Variants in RNF8 observed in about 807,000 individuals in gnomAD.
RNF8 encodes the protein ring finger protein 8.
RNF8 carries 8 observed loss-of-function variants against 59.3 expected under a neutral mutation model. That is an observed-to-expected ratio of 0.13 (90% confidence interval 0.08 to 0.24). RNF8 has a LOEUF of 0.24. Ranked by LOEUF, RNF8 falls within the 10% of genes least tolerant of loss-of-function variation. The probability of loss-of-function intolerance (pLI) is 1.00; values close to 1 mark genes in which losing one functional copy is unlikely to be tolerated. For missense variants in RNF8, 406 were observed against 572.6 expected, an observed-to-expected ratio of 0.71 and a Z score of 2.97; for synonymous variants, 162 against 200.0, an observed-to-expected ratio of 0.81 and a Z score of 1.60.
chr6:37,390,829 C>T lies in RNF8; in HGVS notation c.*71C>T, dbSNP rs763840609. On this transcript the variant is annotated 3_prime_UTR_variant, in exon 8 of 8. Coordinates refer to ENST00000373479, the MANE Select transcript of RNF8 (RefSeq NM_003958.4). The stretch of plus-strand genomic sequence containing the variant: ...CCTGAGATGGTCTGGAGGATTCTCT[C>T]TAGCCGTGACTCCGCTGCTCTGAAG... 6.2e-7 allele frequency: 1 copy of T among 1,613,794 alleles called. No homozygotes were observed. Among genetic ancestry groups the T allele is most frequent in the East Asian group, 2.2e-5 (1 of 44,886 alleles).
intron 1 of RNF8, among the ~76,000 whole-genome samples, chr6:37,355,948 T>C (rs2113811863): frequency 6.6e-6 from 1 of 152,368 alleles, no homozygotes; most frequent in Middle Eastern, 3.4e-3. Flanking sequence ...ATCTGATCCC[T>C]GCATACACAC....
intron 2 of RNF8, among the ~76,000 whole-genome samples, chr6:37,367,426 CAG>C: frequency 6.6e-6 from 1 of 152,284 alleles, no homozygotes; most frequent in Middle Eastern, 3.4e-3. Context: ...ATTTTGGAGA[CAG>C]AGTCTCGCTC....
In RNF8 at chr6:37,360,646, A is replaced by G; in HGVS notation, c.240+72A>G. The G allele has an allele frequency of 7.1e-7, 1 of 1,407,210 alleles. No individual in the cohort carries two copies. The highest frequency in any genetic ancestry group is 9.6e-7 in the Non-Finnish European group (1 of 1,040,534). 87.2% of individuals were successfully genotyped at this position (1,407,210 alleles called of 1,614,324 possible). A position where few individuals can be genotyped will look rare whatever the true frequency, so the allele number is the denominator to read the frequency against. Reference sequence around the variant, plus strand: ...TACTTTTTTTTTTTTTTGCATAGGTAATTCATGGTATAAAATTCAAAAGTA... The same window carrying G: ...TACTTTTTTTTTTTTTTGCATAGGTGATTCATGGTATAAAATTCAAAAGTA... On this transcript the variant is annotated intron_variant, in intron 2 of 7. Coordinates refer to ENST00000373479, the MANE Select transcript of RNF8 (RefSeq NM_003958.4). The surrounding 1 kb of genome is among the most constrained non-coding windows in gnomAD (Gnocchi z 4.2).
In RNF8 at chr6:37,369,167, A is replaced by G; in HGVS notation, c.924A>G (p.Ala308=). ...GTGCAGAGCAGGCTCAGCAGCAGGC[A>G]AGAGTGGAGCAACTAGAGAAGACTT... ...QLCAEQAQQQ[A]RVEQLEKTFQ... is the part of the protein sequence containing the mutation. The change falls in exon 3 of 8, where the codon GCA becomes GCG. Residue 308 remains alanine, a synonymous_variant. Coordinates refer to ENST00000373479, the MANE Select transcript of RNF8 (RefSeq NM_003958.4). The G allele has an allele frequency of 6.2e-7, 1 of 1,613,850 alleles. No homozygotes were observed. Among genetic ancestry groups the G allele is most frequent in the Non-Finnish European group, 8.5e-7 (1 of 1,179,876 alleles).
intron 1 of RNF8, among the ~76,000 whole-genome samples, chr6:37,354,770 CG>C (rs1461544734): frequency 5.2e-4 from 64 of 122,316 alleles, no homozygotes; most frequent in African/African-American, 4.0e-3. Context: ...CAGAGCCCCG[CG>C]GTGCCAGGTC....
chr6:37,387,565 C>T (rs962568044), intron 7 of RNF8, among the ~76,000 whole-genome samples: 2 of 152,138 alleles, frequency 1.3e-5, no homozygotes, highest in Non-Finnish European at 2.9e-5. Flanking sequence ...TGGTCTTGAA[C>T]TCCTGGGCTC....
At chr6:37,373,025 C>G (rs195374) in intron 4 of RNF8, among the ~76,000 whole-genome samples, 9,918 of 152,244 alleles carry the variant, frequency 0.065, 1,061 homozygotes, top group African/African-American at 0.22. Context: ...ACATGCCACT[C>G]TCATGCAGTG....
chr6:37,369,562 C>T (rs1308705322), intron 3 of RNF8, among the ~76,000 whole-genome samples: 1 of 152,202 alleles, frequency 6.6e-6, no homozygotes, highest in Non-Finnish European at 1.5e-5. Flanking sequence ...CAACATGCCA[C>T]AAAACCACAG....
intron 7 of RNF8, among the ~76,000 whole-genome samples, chr6:37,383,640 G>A (rs1379934208): frequency 6.6e-6 from 1 of 152,186 alleles, no homozygotes; most frequent in Non-Finnish European, 1.5e-5. Context: ...TATGTTAGTG[G>A]GAGGAGTAGA....
intron 7 of RNF8, among the ~76,000 whole-genome samples, chr6:37,383,921 C>T (rs449637): frequency 6.6e-6 from 1 of 152,016 alleles, no homozygotes; most frequent in Non-Finnish European, 1.5e-5. Flanking sequence ...TCTGTCAGCT[C>T]CTCCCCTCCC....
At position 37,379,204 on chromosome 6, in the gene RNF8, T is replaced by C. The variant is rs554489423; in HGVS notation, c.1237-1946T>C. Among the ~76,000 whole-genome samples the C allele has an allele frequency of 4.5e-3, 684 of 151,982 alleles. 5 individuals carry two copies. Among genetic ancestry groups the C allele is most frequent in the African/African-American group, 0.015 (636 of 41,444 alleles). ...AATTTTTTTGTATTTTTAGTAGAGA[T>C]GGGATTTCATCATGTTGGCCAGGCT... On this transcript the variant is annotated intron_variant, in intron 6 of 7. Transcript: ENST00000373479.
At chr6:37,355,390 A>G (rs1384356863) in intron 1 of RNF8, among the ~76,000 whole-genome samples, 1 of 152,222 alleles carries the variant, frequency 6.6e-6, no homozygotes, top group Non-Finnish European at 1.5e-5. Context: ...GCCTCAATTC[A>G]GTCTGCCAGG....
rs954737969 is a variant in RNF8 at position 37,393,394 on chromosome 6, C to T, written c.*2636C>T. The T allele has an allele frequency of 9.2e-5, 14 of 152,206 alleles. No individual in the cohort carries two copies. The highest frequency in any genetic ancestry group is 5.9e-4 in the Admixed American group (9 of 15,284). 9.4% of individuals were successfully genotyped at this position (152,206 alleles called of 1,614,324 possible). Reference sequence around the variant, plus strand: ...TTGTCTGAGCTACAGAATGTTCTTTCCTTGGAGAGATATCTGATATTAAAC... The same window carrying T: ...TTGTCTGAGCTACAGAATGTTCTTTTCTTGGAGAGATATCTGATATTAAAC... On this transcript the variant is annotated 3_prime_UTR_variant, in exon 8 of 8. Transcript: ENST00000373479.
rs1017977187 is a variant in RNF8 at position 37,393,497 on chromosome 6, C to A, written c.*2739C>A. 6.6e-6 allele frequency: 1 copy of A among 152,208 alleles called. No individual in the cohort carries two copies. The highest frequency in any genetic ancestry group is 2.4e-5 in the African/African-American group (1 of 41,450). The allele number at this position is 152,208 out of a possible 1,614,324, so 9.4% of individuals were successfully genotyped here. A position where few individuals can be genotyped will look rare whatever the true frequency, so the allele number is the denominator to read the frequency against. ...AGCATCAAACTATAGTACAGCTGAG[C>A]CCCAGTGCTGTGCAGTCTGACTCTA... On this transcript the variant is annotated 3_prime_UTR_variant, in exon 8 of 8. Coordinates refer to ENST00000373479, the MANE Select transcript of RNF8 (RefSeq NM_003958.4).
At chr6:37,372,651 G>C (rs1769857918) in intron 4 of RNF8, among the ~76,000 whole-genome samples, 1 of 152,108 alleles carries the variant, frequency 6.6e-6, no homozygotes, top group African/African-American at 2.4e-5. Flanking sequence ...TGGGATACTT[G>C]GCCATGCATT....
chr6:37,354,104 G>T lies in RNF8; in HGVS notation c.-61G>T, dbSNP rs909027357. On this transcript the variant is annotated 5_prime_UTR_variant, in exon 1 of 8. Coordinates refer to ENST00000373479, the MANE Select transcript of RNF8 (RefSeq NM_003958.4). ...ATGGAAGCTGAGGGGATGCACAGAG[G>T]CAGCCAGAACCTAGGTCAGGGTCTC... The T allele has an allele frequency of 3.7e-6, 5 of 1,366,416 alleles. No homozygotes were observed. In the African/African-American group the frequency reaches 7.2e-5, roughly 20 times the overall value. 84.6% of individuals were successfully genotyped at this position (1,366,416 alleles called of 1,614,324 possible). A position where few individuals can be genotyped will look rare whatever the true frequency, so the allele number is the denominator to read the frequency against.
At chr6:37,374,812 C>T in intron 5 of RNF8, 103 bp downstream of exon 5, 1 of 772,780 alleles carries the variant, frequency 1.3e-6, no homozygotes, top group African/African-American at 1.7e-5. Context: ...GAAATTATGG[C>T]TGCTCCTTGC....
At chr6:37,371,449 G>A (rs1480625450) in intron 3 of RNF8, 63 bp from the exon 4 acceptor site, 2 of 1,428,884 alleles carry the variant, frequency 1.4e-6, no homozygotes, top group African/African-American at 2.8e-5. Flanking sequence ...GCTTGTTGCT[G>A]GATTGTGTTC....
rs1770702733 is a variant in RNF8, at chr6:37,390,803, G to T, written c.*45G>T. ...TTTGAAAGACTGCCAGGTAGTGCGA[G>T]CCTGAGATGGTCTGGAGGATTCTCT... On this transcript the variant is annotated 3_prime_UTR_variant, in exon 8 of 8. Transcript: ENST00000373479. 6.2e-7 allele frequency: 1 copy of T among 1,614,152 alleles called. No homozygotes were observed. The highest frequency in any genetic ancestry group is 8.5e-7 in the Non-Finnish European group (1 of 1,179,994).
Sources: gnomAD v4.1 joint callset for allele counts (sites outside exome capture counted in the v4.1 genomes callset) on GRCh38, gnomAD v4.1.1 for gene constraint, Gnocchi (gnomAD v3.1) non-coding constraint, MANE v1.5 for transcripts, NCBI Gene and HGNC (gene_info 2026-07-23, HGNC 2026-07-21) for gene names.